The following PAX6 variants were observed in gnomAD, a reference collection of about 807,000 sequenced individuals.
PAX6 encodes paired box 6.
PAX6 carries 7 observed loss-of-function variants against 60.7 expected under a neutral mutation model. The ratio of observed to expected loss-of-function variants is 0.12; its 90% CI spans 0.07 to 0.22. PAX6 has a LOEUF of 0.22. Among genes scored for constraint, PAX6 ranks in the 10% least tolerant of loss-of-function variants. The pLI, the probability that PAX6 is intolerant of heterozygous loss-of-function variation, is 1.00. For synonymous variants in PAX6, 208 were observed against 201.2 expected (o/e 1.03, Z -0.29); for missense variants, 355 against 555.2 (o/e 0.64, Z 3.62).
chr11:31,807,276 G>A (rs1222687032), intron 2 of PAX6: 1 of 152,618 alleles, frequency 6.6e-6, no homozygotes, highest in Admixed American at 6.5e-5. Context: ...AGGGGTGTGA[G>A]GGGAGAGGAA....
chr11:31,799,368 G>A (rs1952801090), intron 8 of PAX6, among the ~76,000 whole-genome samples: 1 of 152,082 alleles, frequency 6.6e-6, no homozygotes, highest in Admixed American at 6.5e-5. Context: ...TGGGAAACAA[G>A]AAGCGAGCGC....
Position 31,800,989 on chromosome 11 carries a change from G to T in PAX6, c.400-133C>A, listed in dbSNP as rs1592534670. 5.2e-6 allele frequency: 5 copies of T among 953,786 alleles called. 1 individual carries two copies. The East Asian group carries it at 1.3e-4, about 25-fold the overall frequency. The allele number at this position is 953,786 out of a possible 1,614,324, so 59.1% of individuals were successfully genotyped here. On this transcript the variant is annotated intron_variant, in intron 7 of 13. Transcript: ENST00000640368. ...GCTCCCAGCCACCCCGGGACAGTGG[G>T]TGGATTTGCAGATACACCGTGGAAA... is the stretch of plus-strand genomic sequence containing the variant.
chr11:31,813,966 G>A (rs1044817525), upstream of PAX6, among the ~76,000 whole-genome samples: 6 of 152,252 alleles, frequency 3.9e-5, no homozygotes, highest in African/African-American at 1.4e-4. Context: ...GGGCGCGGTT[G>A]CCAGAGGTGT....
Position 31,806,837 on chromosome 11 carries a change from C to G in PAX6, c.-52+12G>C, listed in dbSNP as rs1298490357. The G allele has an allele frequency of 5.7e-6, 1 of 174,086 alleles. No individual in the cohort carries two copies. Among genetic ancestry groups the G allele is most frequent in the East Asian group, 1.5e-4 (1 of 6,876 alleles). 10.8% of individuals were successfully genotyped at this position (174,086 alleles called of 1,614,324 possible). A position where few individuals can be genotyped will look rare whatever the true frequency, so the allele number is the denominator to read the frequency against. ...TGGGTTTTGAGCCCAAAGCAGCCAC[C>G]ACAGAACTTGCCTGAAATCTCGGAT... On this transcript the variant is annotated intron_variant, in intron 3 of 13. Transcript: ENST00000640368.
chr11:31,806,129 G>T (rs1054366137), intron 4 of PAX6: 4 of 478,248 alleles, frequency 8.4e-6, no homozygotes, highest in Non-Finnish European at 1.4e-5. Context: ...CAGGATTTGG[G>T]GGGGATGGGG....
At chr11:31,793,152 T>C in intron 12 of PAX6, 1 of 620,566 alleles carries the variant, frequency 1.6e-6, no homozygotes, top group Non-Finnish European at 2.9e-6. Context: ...ACCCAAAACA[T>C]GCCCCACCAC....
chr11:31,794,357 A>G, intron 9 of PAX6: 1 of 617,056 alleles, frequency 1.6e-6, no homozygotes, highest in Non-Finnish European at 2.9e-6. Flanking sequence ...ATTTTTCCTT[A>G]TAAGTCAGAC....
In PAX6 at chr11:31,800,821, A is replaced by G. The variant is rs374436481; in HGVS notation, c.435T>C (p.Ala145=). The stretch of plus-strand genomic sequence containing the variant: ...CTGCGCCCATCTGTTGCTTTTCGCT[A>G]GCCAGGTTGCGAAGAACTCTGTTTA... ...SSINRVLRNL[A]SEKQQMGADG... is the part of the protein sequence containing the mutation. Residue 145 remains alanine, a synonymous_variant, in exon 8 of 14, where the codon GCT becomes GCC. Coordinates refer to ENST00000640368, the MANE Select transcript of PAX6 (RefSeq NM_001368894.2). The G allele has an allele frequency of 6.8e-6, 11 of 1,614,112 alleles. No individual in the cohort carries two copies. The highest frequency in any genetic ancestry group is 8.5e-6 in the Non-Finnish European group (10 of 1,180,042).
At chr11:31,794,417 A>G in intron 9 of PAX6, 1 of 580,882 alleles carries the variant, frequency 1.7e-6, no homozygotes, top group Non-Finnish European at 3.0e-6. Context: ...ACACACACAC[A>G]CACCACACAC....
At position 31,790,817 on chromosome 11, in the gene PAX6, G is replaced by C; in HGVS notation, c.1118C>G (p.Pro373Arg). Reference protein sequence around the residue: ...SQTSSYSCMLPTSPSVNGRSY... With the variant: ...SQTSSYSCMLRTSPSVNGRSY... ...CCGCCCATTCACCGAAGGGCTGGTG[G>C]GCAGCATGCAGGAGTATGAGGAGGT... is the stretch of plus-strand genomic sequence containing the variant. Residue 373 changes from proline (P) to arginine (R), a missense_variant, in exon 13 of 14, where the codon CCC (proline) becomes CGC (arginine). Transcript: ENST00000640368. 1 of 1,614,154 alleles carries C rather than the reference G, an allele frequency of 6.2e-7. No homozygotes were observed. The highest frequency in any genetic ancestry group is 8.5e-7 in the Non-Finnish European group (1 of 1,180,030).
At position 31,801,723 on chromosome 11, in the gene PAX6, G is replaced by A; in HGVS notation, c.237C>T (p.Ser79=). The change falls in exon 7 of 14, where the codon TCC becomes TCT. Residue 79 remains serine (S), a synonymous_variant. Transcript: ENST00000640368. ...KILGRYYETG[S]IRPRAIGGSK... ...TACCACCGATTGCCCTGGGTCTGAT[G>A]GAGCCAGTCTCGTAATACCTGCCCA... is the stretch of plus-strand genomic sequence containing the variant. 6.2e-7 allele frequency: 1 copy of A among 1,614,072 alleles called. No homozygotes were observed. The highest frequency in any genetic ancestry group is 8.5e-7 in the Non-Finnish European group (1 of 1,179,940).
intron 13 of PAX6, 87 bp downstream of exon 13, chr11:31,790,623 C>T: frequency 3.1e-6 from 5 of 1,590,984 alleles, no homozygotes. Flanking sequence ...TAAACACGCC[C>T]TCCCATAAGA....
chr11:31,816,090 GGCGCCGGGTGGCGTCCAGCCCCTGCAC>G (rs1396697773), upstream of PAX6, among the ~76,000 whole-genome samples: 1 of 152,212 alleles, frequency 6.6e-6, no homozygotes, highest in Non-Finnish European at 1.5e-5. Context: ...GCCCGGCTCT[GGCGCCGGGTGGCGTCCAGCCCCTGCAC>G]GCGCGGCGCG....
chr11:31,813,143 G>A (rs1437814385), upstream of PAX6: 1 of 152,114 alleles, frequency 6.6e-6, no homozygotes, highest in Non-Finnish European at 1.5e-5. Flanking sequence ...GCGCCGGGAG[G>A]AAACCTGGGT....
At chr11:31,795,273 T>TA (rs1337427720) in intron 8 of PAX6, among the ~76,000 whole-genome samples, 1 of 152,278 alleles carries the variant, frequency 6.6e-6, no homozygotes, top group Non-Finnish European at 1.5e-5. Flanking sequence ...TAATCTTTTT[T>TA]AAAAAATATT....
At chr11:31,808,852 G>C (rs1956439816) in intron 2 of PAX6, 1 of 152,320 alleles carries the variant, frequency 6.6e-6, no homozygotes, top group Non-Finnish European at 1.5e-5. Flanking sequence ...GCAGTCCTGT[G>C]CACCGGAGAG....
At chr11:31,806,362 A>C (rs1256799589) in intron 4 of PAX6, 40 bp downstream of exon 4, 1 of 1,597,220 alleles carries the variant, frequency 6.3e-7, no homozygotes, top group African/African-American at 1.3e-5. Context: ...GGGTCCGCGC[A>C]CCCCGAGCCC....
chr11:31,793,274 A>G (rs1324264510), intron 12 of PAX6, 164 bp downstream of exon 12: 1 of 716,362 alleles, frequency 1.4e-6, no homozygotes, highest in South Asian at 1.5e-5. Flanking sequence ...TCAATCACTT[A>G]AAAGTGATGG....
At chr11:31,806,594 G>A (rs1229452007) in intron 3 of PAX6, 132 bp from the exon 4 acceptor site, 5 of 716,458 alleles carry the variant, frequency 7.0e-6, no homozygotes, top group Admixed American at 6.4e-5. Flanking sequence ...CAACCTCTTG[G>A]GGCGATCTGA....
Sources: gnomAD v4.1 joint callset for allele counts (sites outside exome capture counted in the v4.1 genomes callset) on GRCh38, gnomAD v4.1.1 for gene constraint, MANE v1.5 for transcripts, NCBI Gene and HGNC (gene_info 2026-07-23, HGNC 2026-07-21) for gene names.